Variants in PCDHA13 observed in about 807,000 individuals in gnomAD.
PCDHA13 encodes the protein protocadherin alpha 13, also known as protocadherin alpha-13.
PCDHA13 carries 54 observed loss-of-function variants against 64.8 expected under a neutral mutation model. That is an observed-to-expected ratio of 0.83 (90% CI 0.67 to 1.04). PCDHA13 has a LOEUF of 1.04. Ranked by LOEUF, PCDHA13 falls within the 50% of genes least tolerant of loss-of-function variation. The probability of loss-of-function intolerance (pLI) is 0.00; values close to 1 mark genes in which losing one functional copy is unlikely to be tolerated. For missense variants in PCDHA13, 1,248 were observed against 1,254.3 expected (o/e 0.99, Z 0.08); for synonymous variants, 587 against 564.4 (o/e 1.04, Z -0.57).
chr5:140,908,276 A>T (rs1554193275), intron 1 of PCDHA13, among the ~76,000 whole-genome samples: 1 of 152,148 alleles, frequency 6.6e-6, no homozygotes, highest in Non-Finnish European at 1.5e-5. Context: ...CCATGAGGCC[A>T]TTGTTGCAAG....
chr5:140,969,547 A>C, intron 1 of PCDHA13: 10 of 1,244,334 alleles, frequency 8.0e-6, no homozygotes, highest in Non-Finnish European at 9.8e-6. Flanking sequence ...AGAGGCATGA[A>C]GCCTTGTCCA....
intron 1 of PCDHA13, among the ~76,000 whole-genome samples, chr5:140,920,717 G>A (rs1042476401): frequency 1.3e-5 from 2 of 152,044 alleles, no homozygotes; most frequent in African/African-American, 2.4e-5. Flanking sequence ...GGTGGTGTGC[G>A]CCTGCAGTCC....
intron 3 of PCDHA13, among the ~76,000 whole-genome samples, chr5:140,987,524 GT>G (rs1341881093): frequency 6.6e-6 from 1 of 152,144 alleles, no homozygotes; most frequent in Non-Finnish European, 1.5e-5. Flanking sequence ...GTAATTGTAT[GT>G]TCCTGGGACC....
chr5:140,899,904 C>A (rs1554188779), intron 1 of PCDHA13, among the ~76,000 whole-genome samples: 1 of 151,986 alleles, frequency 6.6e-6, no homozygotes, highest in African/African-American at 2.4e-5. Flanking sequence ...ACATCCTGGG[C>A]TCAAGCAATC....
intron 2 of PCDHA13, among the ~76,000 whole-genome samples, chr5:140,980,790 T>G (rs557225636): frequency 5.3e-4 from 80 of 152,312 alleles, no homozygotes; most frequent in African/African-American, 1.9e-3. Flanking sequence ...TGCCATTTCT[T>G]TTTTGCATTG....
chr5:140,971,290 A>G (rs2096467357), intron 1 of PCDHA13, among the ~76,000 whole-genome samples: 1 of 152,204 alleles, frequency 6.6e-6, no homozygotes, highest in East Asian at 1.9e-4. Context: ...ATTAATATGT[A>G]CTTTGGTACA....
intron 1 of PCDHA13, chr5:140,928,720 A>G (rs2085475122): frequency 6.2e-7 from 1 of 1,614,076 alleles, no homozygotes. Flanking sequence ...TAGTCTCTTT[A>G]GAATTTCAGC....
At position 141,000,188 on chromosome 5, in the gene PCDHA13, A is replaced by G. The variant is rs182049578; in HGVS notation, c.2543-9439A>G. 8.6e-3 allele frequency among the ~76,000 whole-genome samples: 1,302 copies of G among 151,928 alleles called. 5 individuals carry two copies. Among genetic ancestry groups the G allele is most frequent in the Middle Eastern group, 0.017 (5 of 294 alleles). ...ATTATTGAGCCAAGGAGTCAATGTG[A>G]GAATAGTTTTTCACCTTCATTATCA... is the stretch of plus-strand genomic sequence containing the variant. On this transcript the variant is annotated intron_variant, in intron 3 of 3. Coordinates refer to ENST00000289272, the MANE Select transcript of PCDHA13 (RefSeq NM_018904.3).
At chr5:141,004,580 A>T (rs782539696) in intron 3 of PCDHA13, among the ~76,000 whole-genome samples, 1 of 152,222 alleles carries the variant, frequency 6.6e-6, no homozygotes, top group Non-Finnish European at 1.5e-5. Context: ...TGTGTTCTGC[A>T]TCTCCAGATG....
intron 1 of PCDHA13, among the ~76,000 whole-genome samples, chr5:140,952,925 G>T (rs144855694): frequency 8.2e-4 from 125 of 152,200 alleles, no homozygotes; most frequent in African/African-American, 2.8e-3. Flanking sequence ...GGCATGAGCA[G>T]GAGCAGGAGC....
At chr5:140,927,753 C>T (rs1435866827) in intron 1 of PCDHA13, 3 of 1,614,078 alleles carry the variant, frequency 1.9e-6, no homozygotes, top group Non-Finnish European at 2.5e-6. Flanking sequence ...TTCACGTGCA[C>T]CCTAAAAGTG....
chr5:140,997,557 A>G lies in PCDHA13; in HGVS notation c.2543-12070A>G, dbSNP rs1392974918. On this transcript the variant is annotated intron_variant, in intron 3 of 3. Coordinates refer to ENST00000289272, the MANE Select transcript of PCDHA13 (RefSeq NM_018904.3). ...TACATTATTATAATCTTACAGGACA[A>G]CTGTCATATGTGTGGTCCGTTGTTG... is the stretch of plus-strand genomic sequence containing the variant. Among the ~76,000 whole-genome samples, 15 of 152,262 alleles carry G rather than the reference A, an allele frequency of 9.9e-5. No individual in the cohort carries two copies. In the South Asian group the frequency reaches 1.2e-3, roughly 13 times the overall value.
rs781917095 is a variant in PCDHA13 at position 140,884,509 on chromosome 5, T to C, written c.2241T>C (p.Ser747=). 3 of 1,612,704 alleles carry C rather than the reference T, an allele frequency of 1.9e-6. No homozygotes were observed. The highest frequency in any genetic ancestry group is 1.7e-6 in the Non-Finnish European group (2 of 1,179,722). Residue 747 remains serine, a synonymous_variant, in exon 1 of 4, where the codon AGT becomes AGC. Transcript: ENST00000289272. ...TAGTGTGCTCCAGCGCGGCAGGGAG[T>C]TGGTCGTACTCGCAGCAGAGGCGGC... ...PTLVCSSAAG[S]WSYSQQRRPR...
intron 1 of PCDHA13, among the ~76,000 whole-genome samples, chr5:140,890,344 A>T (rs1482265903): frequency 1.3e-5 from 2 of 152,196 alleles, no homozygotes; most frequent in Admixed American, 6.5e-5. Context: ...GGGATGGTTT[A>T]CTATATAGCA....
chr5:140,989,696 T>G (rs1554251011), intron 3 of PCDHA13, among the ~76,000 whole-genome samples: 1 of 152,216 alleles, frequency 6.6e-6, no homozygotes, highest in African/African-American at 2.4e-5. Flanking sequence ...CGTGAAAATT[T>G]TATCTTCAGA....
intron 2 of PCDHA13, among the ~76,000 whole-genome samples, chr5:140,980,152 C>G (rs1554241475): frequency 6.6e-6 from 1 of 152,040 alleles, no homozygotes; most frequent in African/African-American, 2.4e-5. Context: ...CATGCATATA[C>G]CAGAATATTA....
Position 140,907,813 on chromosome 5 carries a change from G to A in PCDHA13, c.2394+23151G>A, listed in dbSNP as rs192249919. On this transcript the variant is annotated intron_variant, in intron 1 of 3. Coordinates refer to ENST00000289272, the MANE Select transcript of PCDHA13 (RefSeq NM_018904.3). ...AGAGGCTAAGTGGTGTCCACAGAACGAGTCATCCTATCCACTTGTTTATTA... is the reference window on the plus strand; with the variant it reads ...AGAGGCTAAGTGGTGTCCACAGAACAAGTCATCCTATCCACTTGTTTATTA... Among the ~76,000 whole-genome samples the A allele has an allele frequency of 2.7e-3, 406 of 152,332 alleles. 1 individual carries two copies. The highest frequency in any genetic ancestry group is 9.3e-3 in the African/African-American group (387 of 41,574).
chr5:140,985,018 A>G (rs1384418667), intron 3 of PCDHA13, among the ~76,000 whole-genome samples: 2 of 152,026 alleles, frequency 1.3e-5, no homozygotes, highest in Non-Finnish European at 2.9e-5. Flanking sequence ...GCTCACAGCA[A>G]CCTCTGCCTC....
At chr5:140,916,603 G>A (rs782815026) in intron 1 of PCDHA13, among the ~76,000 whole-genome samples, 4 of 152,152 alleles carry the variant, frequency 2.6e-5, no homozygotes, top group South Asian at 2.1e-4. Flanking sequence ...CCTGGAATGC[G>A]GGCCTCATGA....
Sources: gnomAD v4.1 joint callset for allele counts (sites outside exome capture counted in the v4.1 genomes callset) on GRCh38, gnomAD v4.1.1 for gene constraint, MANE v1.5 for transcripts, NCBI Gene and HGNC (gene_info 2026-07-23, HGNC 2026-07-21) for gene names.